ENPP6: variants seen among roughly 807,000 people sequenced by gnomAD.
ENPP6 encodes ectonucleotide pyrophosphatase/phosphodiesterase 6, also known as glycerophosphocholine cholinephosphodiesterase ENPP6.
Under a neutral mutation model 42.0 loss-of-function variants are expected in ENPP6, and 32 were observed. The observed-to-expected ratio is 0.76, with a 90% CI of 0.58 to 1.02. The LOEUF is 1.02. Ranked by LOEUF, ENPP6 falls within the 50% of genes least tolerant of loss-of-function variation. The pLI, the probability that ENPP6 is intolerant of heterozygous loss-of-function variation, is 0.00. For missense variants in ENPP6, 552 were observed against 566.8 expected (o/e 0.97, Z 0.27); for synonymous variants, 213 against 216.0 (o/e 0.99, Z 0.12).
At chr4:184,188,490 G>A (rs1182198521) in intron 1 of ENPP6, among the ~76,000 whole-genome samples, 1 of 152,190 alleles carries the variant, frequency 6.6e-6, no homozygotes, top group Non-Finnish European at 1.5e-5. Context: ...GTTGGCACAC[G>A]ACTCAAAGCT....
intron 1 of ENPP6, among the ~76,000 whole-genome samples, chr4:184,180,763 A>C (rs555757211): frequency 6.6e-6 from 1 of 152,294 alleles, no homozygotes; most frequent in South Asian, 2.1e-4. Context: ...CAAAAACCAC[A>C]TGATTATCTC....
At chr4:184,093,123 A>G (rs555479557) in intron 7 of ENPP6, among the ~76,000 whole-genome samples, 2 of 152,214 alleles carry the variant, frequency 1.3e-5, no homozygotes, top group Non-Finnish European at 2.9e-5. Context: ...CCCAGCATGC[A>G]CTAGCTGGGT....
At chr4:184,115,205 T>C (rs1019265217) in intron 5 of ENPP6, among the ~76,000 whole-genome samples, 1 of 152,188 alleles carries the variant, frequency 6.6e-6, no homozygotes, top group Non-Finnish European at 1.5e-5. Context: ...GAAAGCAGGC[T>C]GGCCAGGACC....
chr4:184,110,521 T>A (rs931177403), intron 6 of ENPP6, among the ~76,000 whole-genome samples: 1 of 152,232 alleles, frequency 6.6e-6, no homozygotes, highest in Non-Finnish European at 1.5e-5. Context: ...TTCAGAGTCC[T>A]ACAAAACCTG....
Position 184,107,950 on chromosome 4 carries a change from T to C in ENPP6, c.993+4722A>G, listed in dbSNP as rs567477619. On this transcript the variant is annotated intron_variant, in intron 6 of 7. Transcript: ENST00000296741. ...AAAAAAAAAAATCTGTTTCTGTCTTTATCTTTTTCAGTGACGCCTCTCTAA... is the reference window on the plus strand; with the variant it reads ...AAAAAAAAAAATCTGTTTCTGTCTTCATCTTTTTCAGTGACGCCTCTCTAA... Among the ~76,000 whole-genome samples, 9 of 152,208 alleles carry C rather than the reference T, an allele frequency of 5.9e-5. No homozygotes were observed. The East Asian group carries it at 1.7e-3, about 29-fold the overall frequency.
At chr4:184,141,412 T>G (rs1736818169) in intron 2 of ENPP6, among the ~76,000 whole-genome samples, 1 of 152,222 alleles carries the variant, frequency 6.6e-6, no homozygotes. Flanking sequence ...TTTCTGAATC[T>G]CTGCCTCAGG....
At chr4:184,207,706 G>A (rs963569166) in intron 1 of ENPP6, among the ~76,000 whole-genome samples, 16 of 152,196 alleles carry the variant, frequency 1.1e-4, no homozygotes, top group Non-Finnish European at 4.4e-5. Context: ...TGGAAGGAAC[G>A]CCTCCTCTCC....
intron 1 of ENPP6, among the ~76,000 whole-genome samples, chr4:184,165,559 C>A (rs150695985): frequency 6.6e-6 from 1 of 152,240 alleles, no homozygotes; most frequent in Non-Finnish European, 1.5e-5. Context: ...CACATGGAGA[C>A]GCACAGATCT....
intron 6 of ENPP6, among the ~76,000 whole-genome samples, chr4:184,100,925 A>G (rs911337448): frequency 2.0e-5 from 3 of 152,044 alleles, no homozygotes; most frequent in South Asian, 2.1e-4. Context: ...CCCCTAACAG[A>G]GCTCAGCTTT....
At position 184,091,346 on chromosome 4, in the gene ENPP6, G is replaced by T. The variant is rs779393306; in HGVS notation, c.1154C>A (p.Ser385Ter). 3 of 1,612,826 alleles carry T rather than the reference G, an allele frequency of 1.9e-6. No individual in the cohort carries two copies. The highest frequency in any genetic ancestry group is 2.5e-6 in the Non-Finnish European group (3 of 1,179,650). The change falls in exon 8 of 8, where the codon TCG (serine) becomes TAG (stop). Residue 385 changes from serine (S) to a stop codon, truncating the protein, a stop_gained. Coordinates refer to ENST00000296741, the MANE Select transcript of ENPP6 (RefSeq NM_153343.4). LOFTEE classifies it low-confidence loss of function (END_TRUNC). ...GCACATGACATTGTAGACGTCCACC[G>T]ACCTGATAGGAGCAGCTCTGAAGTT... is the stretch of plus-strand genomic sequence containing the variant. ...KSNFRAAPIRSVDVYNVMCNV... is the reference protein window; with the variant it reads ...KSNFRAAPIR
chr4:184,125,137 T>A, intron 2 of ENPP6, among the ~76,000 whole-genome samples: 1 of 152,150 alleles, frequency 6.6e-6, no homozygotes, highest in East Asian at 1.9e-4. Context: ...CAGGAAAGTG[T>A]GTGGTATGTG....
chr4:184,131,364 T>G (rs1224828983), intron 2 of ENPP6, among the ~76,000 whole-genome samples: 2 of 149,286 alleles, frequency 1.3e-5, no homozygotes, highest in Non-Finnish European at 3.0e-5. Flanking sequence ...TCTTCTTTCT[T>G]TTTTTTTGAG....
Position 184,131,201 on chromosome 4 carries a change from C to CTTTCTT in ENPP6, c.422-6930_422-6929insAAGAAA, listed in dbSNP as rs376993212. Among the ~76,000 whole-genome samples, 148 of 70,678 alleles carry CTTTCTT rather than the reference C, an allele frequency of 2.1e-3. 6 individuals carry two copies. Among genetic ancestry groups the CTTTCTT allele is most frequent in the African/African-American group, 8.3e-3 (144 of 17,314 alleles). The allele number at this position is 70,678 out of a possible 152,430, so 46.4% of individuals were successfully genotyped here. A position where few individuals can be genotyped will look rare whatever the true frequency, so the allele number is the denominator to read the frequency against. ...TCTTTCTTTCTTTCTTTCTTTCTTT[C>CTTTCTT]TTCTTTCTTTCTTTCTTTTTCTTTC... On this transcript the variant is annotated intron_variant, in intron 2 of 7. Transcript: ENST00000296741.
intron 3 of ENPP6, among the ~76,000 whole-genome samples, chr4:184,123,088 C>G (rs1009459290): frequency 2.0e-5 from 3 of 152,346 alleles, no homozygotes; most frequent in Non-Finnish European, 4.4e-5. Flanking sequence ...TCCCTGGACC[C>G]TCTTGATAGG....
At chr4:184,182,093 A>T (rs1732564513) in intron 1 of ENPP6, among the ~76,000 whole-genome samples, 1 of 151,692 alleles carries the variant, frequency 6.6e-6, no homozygotes, top group African/African-American at 2.4e-5. Context: ...ACAAGAGAAA[A>T]TTTTTGCAAT....
At chr4:184,197,476 C>T (rs2111112296) in intron 1 of ENPP6, among the ~76,000 whole-genome samples, 1 of 152,356 alleles carries the variant, frequency 6.6e-6, no homozygotes, top group East Asian at 1.9e-4. Context: ...GAAGAGAATG[C>T]CTGGGCTTCC....
chr4:184,111,768 C>T (rs541628894), intron 6 of ENPP6, among the ~76,000 whole-genome samples: 7 of 152,328 alleles, frequency 4.6e-5, no homozygotes, highest in Non-Finnish European at 1.0e-4. Context: ...ACATGTCACA[C>T]AACCCCCATT....
At chr4:184,174,008 G>C (rs1388230742) in intron 1 of ENPP6, among the ~76,000 whole-genome samples, 1 of 152,126 alleles carries the variant, frequency 6.6e-6, no homozygotes, top group African/African-American at 2.4e-5. Context: ...AGATGAGAGG[G>C]TCTCAGACTC....
intron 2 of ENPP6, among the ~76,000 whole-genome samples, chr4:184,128,660 G>A (rs1396704874): frequency 6.6e-6 from 1 of 150,696 alleles, no homozygotes; most frequent in African/African-American, 2.4e-5. Context: ...GCAACTTGGT[G>A]GAAAACTTTC....
Sources: allele counts gnomAD v4.1 joint callset (sites outside exome capture counted in the v4.1 genomes callset), GRCh38; gene constraint gnomAD v4.1.1; transcripts MANE v1.5; gene names NCBI Gene and HGNC (gene_info 2026-07-23, HGNC 2026-07-21).